Variants in CACNA2D4 observed in about 807,000 individuals in gnomAD.
CACNA2D4 encodes voltage-dependent calcium channel subunit alpha-2/delta-4.
CACNA2D4 carries 157 observed loss-of-function variants against 163.8 expected under a neutral mutation model. The observed-to-expected ratio is 0.96, with a 90% CI of 0.84 to 1.09. The LOEUF is 1.09. Among genes scored for constraint, CACNA2D4 ranks in the 50% least tolerant of loss-of-function variants. CACNA2D4 has a pLI of 0.00. For missense variants in CACNA2D4, 1,410 were observed against 1,479.9 expected (o/e 0.95, Z 0.78); for synonymous variants, 598 against 586.9 (o/e 1.02, Z -0.27).
intron 13 of CACNA2D4, among the ~76,000 whole-genome samples, chr12:1,882,038 C>T (rs1243526661): frequency 6.6e-6 from 1 of 152,224 alleles, no homozygotes; most frequent in Non-Finnish European, 1.5e-5. Flanking sequence ...CTGCAAGTTT[C>T]CCTCACAGGG....
At chr12:1,866,089 C>T (rs182789268) in intron 18 of CACNA2D4, among the ~76,000 whole-genome samples, 68 of 152,282 alleles carry the variant, frequency 4.5e-4, no homozygotes, top group African/African-American at 1.5e-3. Flanking sequence ...GCCTTGTTCT[C>T]AATTTTAGGG....
At chr12:1,824,937 G>A (rs200025011) in intron 26 of CACNA2D4, among the ~76,000 whole-genome samples, 1 of 152,242 alleles carries the variant, frequency 6.6e-6, no homozygotes, top group East Asian at 1.9e-4. Context: ...TGGTGTCCAG[G>A]AGGAAGCCCA....
At chr12:1,910,044 G>T in intron 3 of CACNA2D4, 79 bp from the exon 4 acceptor site, 1 of 1,204,532 alleles carries the variant, frequency 8.3e-7, no homozygotes, top group East Asian at 2.4e-5. Flanking sequence ...ACAGTTGCCG[G>T]GTGACCCAGC....
At chr12:1,837,320 C>T (rs1057011958) in intron 26 of CACNA2D4, among the ~76,000 whole-genome samples, 3 of 152,080 alleles carry the variant, frequency 2.0e-5, no homozygotes, top group Non-Finnish European at 2.9e-5. Context: ...GGAGGAGGAG[C>T]CTGTTCAGGG....
intron 18 of CACNA2D4, among the ~76,000 whole-genome samples, chr12:1,861,449 T>C (rs1228161591): frequency 6.6e-6 from 1 of 151,048 alleles, no homozygotes; most frequent in Admixed American, 6.6e-5. Context: ...TTTTACTCTT[T>C]TTTTTTTTTT....
intron 18 of CACNA2D4, among the ~76,000 whole-genome samples, chr12:1,871,087 TGTG>T (rs1475096466): frequency 6.6e-6 from 1 of 151,378 alleles, no homozygotes; most frequent in African/African-American, 2.4e-5. Flanking sequence ...GTGTTGCTGG[TGTG>T]TGTGTACGTG....
intron 37 of CACNA2D4, chr12:1,794,962 A>G (rs941760772): frequency 6.4e-6 from 3 of 470,440 alleles, no homozygotes; most frequent in Admixed American, 7.2e-5. Flanking sequence ...TTAGCATACA[A>G]AGATACCTCT....
chr12:1,841,576 A>G (rs1410415601), intron 25 of CACNA2D4, among the ~76,000 whole-genome samples: 1 of 152,208 alleles, frequency 6.6e-6, no homozygotes, highest in East Asian at 1.9e-4. Flanking sequence ...AGGCTTCTTA[A>G]TTCTCATCAG....
At position 1,793,500 on chromosome 12, in the gene CACNA2D4, A is replaced by ATTCT; in HGVS notation, c.*151_*154dup. ...TGATTGGTTTCCTGTTCCATCCAGC[A>ATTCT]TTCTCCGGAGCCAGGGGCCACCAGC... is the stretch of plus-strand genomic sequence containing the variant. On this transcript the variant is annotated 3_prime_UTR_variant, in exon 38 of 38. Coordinates refer to ENST00000382722, the MANE Select transcript of CACNA2D4 (RefSeq NM_172364.5). 1.4e-6 allele frequency: 1 copy of ATTCT among 689,804 alleles called. No individual in the cohort carries two copies. Among genetic ancestry groups the ATTCT allele is most frequent in the Non-Finnish European group, 2.7e-6 (1 of 377,144 alleles). 42.7% of individuals were successfully genotyped at this position (689,804 alleles called of 1,614,324 possible).
intron 26 of CACNA2D4, among the ~76,000 whole-genome samples, chr12:1,837,612 A>G (rs889771396): frequency 6.6e-6 from 1 of 152,126 alleles, no homozygotes; most frequent in African/African-American, 2.4e-5. Flanking sequence ...TCCTTTGGAT[A>G]ACAACCCAGC....
At chr12:1,830,391 G>A (rs888616424) in intron 26 of CACNA2D4, among the ~76,000 whole-genome samples, 5 of 152,296 alleles carry the variant, frequency 3.3e-5, no homozygotes, top group Admixed American at 6.5e-5. Context: ...TTGTGCTCTC[G>A]CCTTTCCATA....
intron 26 of CACNA2D4, chr12:1,830,956 T>G: frequency 1.2e-6 from 2 of 1,610,818 alleles, no homozygotes; most frequent in Non-Finnish European, 1.7e-6. Context: ...TGGATCGCCC[T>G]GTATGCTGTG....
chr12:1,886,071 G>A (rs1487357489), intron 8 of CACNA2D4, 32 bp from the exon 9 acceptor site: 2 of 1,585,728 alleles, frequency 1.3e-6, no homozygotes, highest in Non-Finnish European at 1.7e-6. Flanking sequence ...GGGAGGTGGG[G>A]GGAGAATAAA....
At chr12:1,898,778 A>G (rs1315668320) in intron 6 of CACNA2D4, among the ~76,000 whole-genome samples, 1 of 152,108 alleles carries the variant, frequency 6.6e-6, no homozygotes, top group African/African-American at 2.4e-5. Context: ...GACATATGCT[A>G]CAACATGGAT....
At chr12:1,910,345 C>T (rs1866783093) in intron 3 of CACNA2D4, among the ~76,000 whole-genome samples, 1 of 152,208 alleles carries the variant, frequency 6.6e-6, no homozygotes, top group African/African-American at 2.4e-5. Context: ...CATGTCATTG[C>T]ACATGTTTGC....
At chr12:1,885,880 C>G in intron 9 of CACNA2D4, 85 bp downstream of exon 9, 1 of 977,802 alleles carries the variant, frequency 1.0e-6, no homozygotes, top group Non-Finnish European at 1.6e-6. Context: ...GCAAAAAGGG[C>G]CACAGAAACA....
At chr12:1,797,783 C>T in intron 34 of CACNA2D4, 1 of 563,448 alleles carries the variant, frequency 1.8e-6, no homozygotes. Context: ...GGAGGGAAAG[C>T]GCTTCCTCTG....
intron 23 of CACNA2D4, among the ~76,000 whole-genome samples, chr12:1,847,968 C>T (rs1197373237): frequency 6.6e-6 from 1 of 152,140 alleles, no homozygotes; most frequent in East Asian, 1.9e-4. Flanking sequence ...TTAAGTTTGG[C>T]TGAATCAGAA....
In CACNA2D4 at chr12:1,834,456, C is replaced by T. The variant is rs756346656; in HGVS notation, c.2551+6283G>A. The T allele has an allele frequency of 1.2e-6, 2 of 1,611,612 alleles. No individual in the cohort carries two copies. Among genetic ancestry groups the T allele is most frequent in the Non-Finnish European group, 1.7e-6 (2 of 1,179,834 alleles). On this transcript the variant is annotated intron_variant, in intron 26 of 37. Coordinates refer to ENST00000382722, the MANE Select transcript of CACNA2D4 (RefSeq NM_172364.5). This position sits in a 1 kb window ranked among gnomAD's most constrained non-coding sequence, Gnocchi z 7.6. ...GAGCCTGCTAAGCCCAAGCCCGGGGCTGAGCCGGAGCCGGAGCCCAGCACA... is the reference window on the plus strand; with the variant it reads ...GAGCCTGCTAAGCCCAAGCCCGGGGTTGAGCCGGAGCCGGAGCCCAGCACA...
Sources: allele counts gnomAD v4.1 joint callset (sites outside exome capture counted in the v4.1 genomes callset), GRCh38; gene constraint gnomAD v4.1.1; non-coding constraint Gnocchi (gnomAD v3.1); transcripts MANE v1.5; gene names NCBI Gene and HGNC (gene_info 2026-07-23, HGNC 2026-07-21).